UHMK1: variants seen among roughly 807,000 people sequenced by gnomAD.
UHMK1 encodes the protein U2AF homology motif kinase 1, also known as serine/threonine-protein kinase Kist.
A neutral mutation model predicts 44.0 loss-of-function variants in UHMK1; 18 were observed. That is an observed-to-expected ratio of 0.41 (90% CI 0.28 to 0.61). UHMK1 has a LOEUF of 0.61. Ranked by LOEUF, UHMK1 falls within the 20% of genes least tolerant of loss-of-function variation. UHMK1 has a pLI of 0.31. For synonymous variants in UHMK1, 231 were observed against 198.5 expected, an observed-to-expected ratio of 1.16 and a Z score of -1.38; for missense variants, 463 against 522.5, an observed-to-expected ratio of 0.89 and a Z score of 1.11.
intron 3 of UHMK1, 43 bp from the exon 4 acceptor site, chr1:162,503,693 GCCTAGTATTCAATAAATA>G: frequency 8.7e-7 from 1 of 1,146,852 alleles, no homozygotes; most frequent in Non-Finnish European, 1.3e-6. Context: ...AGTGCTATAT[GCCTAGTATTCAATAAATA>G]CAGACTGAAT....
chr1:162,499,474 C>T (rs1651189808), intron 1 of UHMK1, among the ~76,000 whole-genome samples: 2 of 152,152 alleles, frequency 1.3e-5, no homozygotes, highest in South Asian at 4.1e-4. Context: ...ACCTAGACTG[C>T]TGTTTTGGAT....
chr1:162,506,732 G>A (rs780196972), intron 4 of UHMK1, among the ~76,000 whole-genome samples: 1 of 152,248 alleles, frequency 6.6e-6, no homozygotes, highest in East Asian at 1.9e-4. Flanking sequence ...GGGCCTGGTG[G>A]CACGTGCCTA....
At chr1:162,498,396 C>A in intron 1 of UHMK1, 128 bp downstream of exon 1, 1 of 1,131,148 alleles carries the variant, frequency 8.8e-7, no homozygotes, top group Non-Finnish European at 1.2e-6. Flanking sequence ...CTTTATCACC[C>A]CATCCAGGCC....
At chr1:162,498,408 C>G (rs1158766926) in intron 1 of UHMK1, 140 bp downstream of exon 1, 1 of 1,061,076 alleles carries the variant, frequency 9.4e-7, no homozygotes, top group African/African-American at 1.6e-5. Flanking sequence ...ATCCAGGCCC[C>G]TTTCCCCTTT....
chr1:162,497,772 C>T (rs1226240632), upstream of UHMK1: 14 of 1,310,962 alleles, frequency 1.1e-5, no homozygotes, highest in African/African-American at 1.9e-4. Flanking sequence ...CTGAGCCCCC[C>T]CTCCTTCGGC....
chr1:162,511,397 G>C (rs1651666703), intron 4 of UHMK1, among the ~76,000 whole-genome samples: 1 of 151,610 alleles, frequency 6.6e-6, no homozygotes, highest in African/African-American at 2.4e-5. Context: ...GGACTCCTGG[G>C]CTCAAGCAGT....
chr1:162,516,941 G>A (rs1457386077), intron 6 of UHMK1, among the ~76,000 whole-genome samples: 1 of 152,152 alleles, frequency 6.6e-6, no homozygotes, highest in Admixed American at 6.5e-5. Context: ...AAGCAAATTG[G>A]AAAAATTATA....
rs1358367952 is a variant in UHMK1, at chr1:162,518,201, A to G, written c.1113+11A>G. 1.9e-6 allele frequency: 3 copies of G among 1,567,308 alleles called. No homozygotes were observed. Among genetic ancestry groups the G allele is most frequent in the Non-Finnish European group, 8.8e-7 (1 of 1,137,852 alleles). ...CCTGGCAGAGGACAAGTAAGTGAAT[A>G]TTTTCATAATTGCAGATTACTCAGA... On this transcript the variant is annotated intron_variant, in intron 7 of 7. Coordinates refer to ENST00000489294, the MANE Select transcript of UHMK1 (RefSeq NM_175866.5).
rs761470637 is a variant in UHMK1, at chr1:162,498,186, C to G, written c.186C>G (p.Thr62=). The G allele has an allele frequency of 8.1e-6, 13 of 1,612,986 alleles. No homozygotes were observed. The highest frequency in any genetic ancestry group is 1.1e-5 in the Non-Finnish European group (13 of 1,179,384). ...ALKQFLPPGT[T]GAAASAAEYG... is the part of the protein sequence containing the mutation. The stretch of plus-strand genomic sequence containing the variant: ...AGCAGTTCTTGCCGCCAGGAACCAC[C>G]GGGGCTGCGGCCTCTGCCGCCGAGT... Residue 62 remains threonine (T), a synonymous_variant, in exon 1 of 8, where the codon ACC becomes ACG. Coordinates refer to ENST00000489294, the MANE Select transcript of UHMK1 (RefSeq NM_175866.5).
intron 4 of UHMK1, among the ~76,000 whole-genome samples, chr1:162,504,810 C>T (rs980232343): frequency 6.6e-6 from 1 of 152,064 alleles, no homozygotes; most frequent in Admixed American, 6.6e-5. Context: ...AGTCACACTC[C>T]ATCACCCAAG....
intron 7 of UHMK1, among the ~76,000 whole-genome samples, chr1:162,518,849 A>G (rs545245380): frequency 2.7e-5 from 4 of 150,270 alleles, no homozygotes; most frequent in Non-Finnish European, 5.9e-5. Flanking sequence ...TTAGCTGGGC[A>G]TGGTGGCGCA....
At chr1:162,515,657 A>T (rs1651808914) in intron 6 of UHMK1, among the ~76,000 whole-genome samples, 1 of 152,234 alleles carries the variant, frequency 6.6e-6, no homozygotes. Flanking sequence ...AATACTACTT[A>T]GGTCCTTTTA....
chr1:162,518,157 A>C lies in UHMK1; in HGVS notation c.1080A>C (p.Leu360=), dbSNP rs773134203. The change falls in exon 7 of 8, where the codon CTA becomes CTC. Residue 360 remains leucine, a synonymous_variant. Transcript: ENST00000489294. The part of the protein sequence containing the change: ...ECQKYGPVVS[L]LVPKENPGRG... ...AAAAATATGGACCAGTGGTATCTCTACTTGTTCCAAAGGAAAATCCTGGCA... is the reference window on the plus strand; with the variant it reads ...AAAAATATGGACCAGTGGTATCTCTCCTTGTTCCAAAGGAAAATCCTGGCA... The C allele has an allele frequency of 5.0e-6, 8 of 1,613,190 alleles. No individual in the cohort carries two copies. The highest frequency in any genetic ancestry group is 5.1e-6 in the Non-Finnish European group (6 of 1,179,388).
At chr1:162,509,619 A>G (rs1212530347) in intron 4 of UHMK1, among the ~76,000 whole-genome samples, 1 of 152,048 alleles carries the variant, frequency 6.6e-6, no homozygotes, top group Admixed American at 6.6e-5. Context: ...ACAACTATTG[A>G]TAGTTTGGCA....
At position 162,522,358 on chromosome 1, in the gene UHMK1, A is replaced by G. The variant is rs1006211560; in HGVS notation, c.1114-46A>G. 1.9e-6 allele frequency: 3 copies of G among 1,606,456 alleles called. No individual in the cohort carries two copies. In the African/African-American group the frequency reaches 4.0e-5, roughly 21 times the overall value. ...AAAGGTGGTAAAGCACTGGTCTAAA[A>G]CAATCTTGGTGGAAATGAAATGTTT... On this transcript the variant is annotated intron_variant, in intron 7 of 7. Transcript: ENST00000489294.
chr1:162,508,314 G>GT, intron 4 of UHMK1, among the ~76,000 whole-genome samples: 1 of 152,076 alleles, frequency 6.6e-6, no homozygotes, highest in African/African-American at 2.4e-5. Flanking sequence ...GTTTCACCAT[G>GT]TTGGCCAGGC....
rs1208690599 is a variant in UHMK1, at chr1:162,529,578, A to G, written c.*7028A>G. On this transcript the variant is annotated 3_prime_UTR_variant, in exon 8 of 8. Transcript: ENST00000489294. ...GATAATGCTTTCTGATGTGTGTTTGATAAGAGTGATAAAATAAAAGCTTAA... is the reference window on the plus strand; with the variant it reads ...GATAATGCTTTCTGATGTGTGTTTGGTAAGAGTGATAAAATAAAAGCTTAA... The G allele has an allele frequency of 2.6e-5, 4 of 152,186 alleles. No individual in the cohort carries two copies. The highest frequency in any genetic ancestry group is 7.2e-5 in the African/African-American group (3 of 41,458). The allele number at this position is 152,186 out of a possible 1,614,324, so 9.4% of individuals were successfully genotyped here.
Position 162,500,019 on chromosome 1 carries a change from T to C in UHMK1, c.333T>C (p.Leu111=). The change falls in exon 2 of 8, where the codon CTT becomes CTC. Residue 111 remains leucine (L), a synonymous_variant. Transcript: ENST00000489294. The part of the protein sequence containing the change: ...SPNVPSRCLL[L]ELLDVSVSEL... ...ATGTGCCATCACGCTGTCTGTTGCT[T>C]GAACTCCTGGATGTCAGTGTTTCGG... The C allele has an allele frequency of 6.2e-7, 1 of 1,614,252 alleles. No individual in the cohort carries two copies. Among genetic ancestry groups the C allele is most frequent in the Non-Finnish European group, 8.5e-7 (1 of 1,180,042 alleles).
chr1:162,512,544 C>T lies in UHMK1; in HGVS notation c.893C>T (p.Ala298Val). ...AGCAGAAGAATTCCTGCTGAAATGG[C>T]ATTGTGCAGCCCATTCTTTAGCATT... Reference protein sequence around the residue: ...DPSRRIPAEMALCSPFFSIPF... With the variant: ...DPSRRIPAEMVLCSPFFSIPF... Residue 298 changes from alanine (A) to valine (V), a missense_variant, in exon 5 of 8, where the codon GCA (alanine) becomes GTA (valine). By Grantham distance (64) the Ala-to-Val change is moderately conservative (BLOSUM62 0). This residue lies in a region of UHMK1 where 264 missense variants were observed against 326.3 expected (regional missense o/e 0.81). Coordinates refer to ENST00000489294, the MANE Select transcript of UHMK1 (RefSeq NM_175866.5). 3.1e-6 allele frequency: 5 copies of T among 1,612,842 alleles called. No individual in the cohort carries two copies. Among genetic ancestry groups the T allele is most frequent in the Non-Finnish European group, 4.2e-6 (5 of 1,179,724 alleles).
Sources: gnomAD v4.1 joint callset for allele counts (sites outside exome capture counted in the v4.1 genomes callset) on GRCh38, gnomAD v4.1.1 for gene constraint, gnomAD v4.1.1 regional missense constraint, MANE v1.5 for transcripts, NCBI Gene and HGNC (gene_info 2026-07-23, HGNC 2026-07-21) for gene names.